MAP1S: variants seen among roughly 807,000 people sequenced by gnomAD.
The protein encoded by MAP1S is microtubule associated protein 1S, also known as microtubule-associated protein 1S.
A neutral mutation model predicts 60.9 loss-of-function variants in MAP1S; 27 were observed. The ratio of observed to expected loss-of-function variants is 0.44; its 90% CI spans 0.33 to 0.61. The LOEUF is 0.61. Ranked by LOEUF, MAP1S falls within the 20% of genes least tolerant of loss-of-function variation. The pLI is 0.03. For missense variants in MAP1S, 1,608 were observed against 1,486.6 expected, an observed-to-expected ratio of 1.08 and a Z score of -1.34; for synonymous variants, 826 against 694.2, an observed-to-expected ratio of 1.19 and a Z score of -2.98.
intron 5 of MAP1S, among the ~76,000 whole-genome samples, chr19:17,729,750 C>G (rs1455291351): frequency 6.6e-6 from 1 of 152,122 alleles, no homozygotes; most frequent in Non-Finnish European, 1.5e-5. Context: ...GCAACCTCTA[C>G]CTCCCGGGGT....
rs367755352 is a variant in MAP1S, at chr19:17,727,326, G to A, written c.1942G>A (p.Ala648Thr). 2.5e-6 allele frequency: 4 copies of A among 1,590,414 alleles called. No homozygotes were observed. The highest frequency in any genetic ancestry group is 1.7e-5 in the Admixed American group (1 of 57,528). ...TPSPESHRSP[A>T]EGSERLSLSP... ...CTCCCCTGAGTCCCACCGGAGCCCC[G>A]CAGAGGGCAGCGAGCGGCTGTCGCT... The change falls in exon 5 of 7, where the codon GCA (alanine) becomes ACA (threonine). Residue 648 changes from alanine to threonine, a missense_variant. Physicochemically the swap from Ala to Thr is moderately conservative, Grantham distance 58. Transcript: ENST00000324096. The surrounding 1 kb of genome is among the most constrained non-coding windows in gnomAD (Gnocchi z 4.1).
At position 17,725,363 on chromosome 19, in the gene MAP1S, G is replaced by A. The variant is rs747458702; in HGVS notation, c.444+174G>A. 2.0e-5 allele frequency among the ~76,000 whole-genome samples: 3 copies of A among 152,146 alleles called. No homozygotes were observed. The highest frequency in any genetic ancestry group is 4.4e-5 in the Non-Finnish European group (3 of 68,032). On this transcript the variant is annotated intron_variant, in intron 4 of 6. Transcript: ENST00000324096. This position sits in a 1 kb window ranked among gnomAD's most constrained non-coding sequence, Gnocchi z 4.2. ...CTGTCTGGGGTCAGTCCCATTGCCCGCGAAAGGGTGTGGTGTGAGCTGAGT... is the reference window on the plus strand; with the variant it reads ...CTGTCTGGGGTCAGTCCCATTGCCCACGAAAGGGTGTGGTGTGAGCTGAGT...
rs753160066 is a variant in MAP1S at position 17,726,846 on chromosome 19, C to T, written c.1462C>T (p.Leu488=). ...GGACAGCTCGAAGAGAGAGGGCCTC[C>T]TGGCCACCCACCCTAGACCTGGCCA... The part of the protein sequence containing the change: ...SRDSSKREGL[L]ATHPRPGQER... The change falls in exon 5 of 7, where the codon CTG becomes TTG. Residue 488 remains leucine (L), a synonymous_variant. Coordinates refer to ENST00000324096, the MANE Select transcript of MAP1S (RefSeq NM_018174.6). 4.5e-6 allele frequency: 7 copies of T among 1,554,410 alleles called. No homozygotes were observed. The African/African-American group carries it at 8.2e-5, about 18-fold the overall frequency.
In MAP1S at chr19:17,719,637, G is replaced by GGCCCGCGGGA; in HGVS notation, c.118+23_118+32dup. 1 of 1,222,526 alleles carries GGCCCGCGGGA rather than the reference G, an allele frequency of 8.2e-7. No homozygotes were observed. The highest frequency in any genetic ancestry group is 1.0e-6 in the Non-Finnish European group (1 of 970,662). The allele number at this position is 1,222,526 out of a possible 1,614,324, so 75.7% of individuals were successfully genotyped here. ...TCGAAAGAGGTCGGGCTGGCCTGGG[G>GGCCCGCGGGA]GCCCGCGGGAGCCCGGGAGGCGGGC... On this transcript the variant is annotated intron_variant, in intron 1 of 6. Transcript: ENST00000324096.
Position 17,734,513 on chromosome 19 carries a change from G to C in MAP1S, c.*85G>C, listed in dbSNP as rs1363721560. ...TCAGAAATAAACTGTGACTACACTTGGCTGTGGCCTCTCTTCTTTCTGTGA... is the reference window on the plus strand; with the variant it reads ...TCAGAAATAAACTGTGACTACACTTCGCTGTGGCCTCTCTTCTTTCTGTGA... On this transcript the variant is annotated 3_prime_UTR_variant, in exon 7 of 7. Transcript: ENST00000324096. The C allele has an allele frequency of 6.7e-7, 1 of 1,497,506 alleles. No individual in the cohort carries two copies. Among genetic ancestry groups the C allele is most frequent in the African/African-American group, 1.4e-5 (1 of 72,218 alleles). 92.8% of individuals were successfully genotyped at this position (1,497,506 alleles called of 1,614,324 possible).
intron 6 of MAP1S, among the ~76,000 whole-genome samples, chr19:17,733,833 G>T (rs1387723048): frequency 6.6e-6 from 1 of 152,246 alleles, no homozygotes; most frequent in Admixed American, 6.5e-5. Flanking sequence ...CGAGGTGCAT[G>T]TGGGCAGAGG....
At chr19:17,731,262 T>G (rs2048528877) in intron 5 of MAP1S, among the ~76,000 whole-genome samples, 1 of 152,186 alleles carries the variant, frequency 6.6e-6, no homozygotes, top group Non-Finnish European at 1.5e-5. Context: ...CATTTCACAT[T>G]TAGGTCCATT....
chr19:17,731,250 T>C (rs1246703516), intron 5 of MAP1S, among the ~76,000 whole-genome samples: 1 of 152,172 alleles, frequency 6.6e-6, no homozygotes, highest in African/African-American at 2.4e-5. Context: ...TTTTAAGTTT[T>C]CCATTTCACA....
At position 17,727,715 on chromosome 19, in the gene MAP1S, G is replaced by A. The variant is rs1450259639; in HGVS notation, c.2331G>A (p.Leu777=). 6.2e-7 allele frequency: 1 copy of A among 1,606,412 alleles called. No homozygotes were observed. Among genetic ancestry groups the A allele is most frequent in the Admixed American group, 1.7e-5 (1 of 59,636 alleles). ...SARSQERAGG[L]GAEETPPTSV... is the part of the protein sequence containing the mutation. ...GGTCACAGGAACGGGCAGGTGGGCTGGGGGCCGAGGAGACGCCACCCACAT... is the reference window on the plus strand; with the variant it reads ...GGTCACAGGAACGGGCAGGTGGGCTAGGGGCCGAGGAGACGCCACCCACAT... The change falls in exon 5 of 7, where the codon CTG becomes CTA. Residue 777 remains leucine, a synonymous_variant. Transcript: ENST00000324096. The surrounding 1 kb of genome is among the most constrained non-coding windows in gnomAD (Gnocchi z 4.1).
rs760875619 is a variant in MAP1S at position 17,726,131 on chromosome 19, C to T, written c.747C>T (p.Gly249=). 65 of 1,613,912 alleles carry T rather than the reference C, an allele frequency of 4.0e-5. No homozygotes were observed. The highest frequency in any genetic ancestry group is 5.0e-5 in the Non-Finnish European group (59 of 1,179,984). ...GRPCCYIFPG[G]LGDAAFFAVN... ...CCTGCTGCTACATCTTCCCTGGAGG[C>T]CTCGGGGATGCCGCCTTCTTCGCCG... Residue 249 remains glycine (G), a synonymous_variant, in exon 5 of 7, where the codon GGC becomes GGT. Coordinates refer to ENST00000324096, the MANE Select transcript of MAP1S (RefSeq NM_018174.6).
In MAP1S at chr19:17,726,103, G is replaced by T; in HGVS notation, c.719G>T (p.Arg240Leu). The change falls in exon 5 of 7, where the codon CGG (arginine) becomes CTG (leucine). Residue 240 changes from arginine (R) to leucine (L), a missense_variant. Transcript: ENST00000324096. ...TCCGGGGGCTTCCTCAGGCTGGGCC[G>T]GCCCTGCTGCTACATCTTCCCTGGA... ...PTSGGFLRLGRPCCYIFPGGL... is the reference protein window; with the variant it reads ...PTSGGFLRLGLPCCYIFPGGL... The T allele has an allele frequency of 1.2e-6, 2 of 1,613,884 alleles. No individual in the cohort carries two copies. Among genetic ancestry groups the T allele is most frequent in the Non-Finnish European group, 1.7e-6 (2 of 1,179,940 alleles).
rs1277270839 is a variant in MAP1S, at chr19:17,727,450, C to T, written c.2066C>T (p.Pro689Leu). Residue 689 changes from proline (P) to leucine (L), a missense_variant, in exon 5 of 7, where the codon CCG (proline) becomes CTG (leucine). Physicochemically the swap from Pro to Leu is moderately conservative, Grantham distance 98 (BLOSUM62 -3). Coordinates refer to ENST00000324096, the MANE Select transcript of MAP1S (RefSeq NM_018174.6). This position sits in a 1 kb window ranked among gnomAD's most constrained non-coding sequence, Gnocchi z 4.1. ...TCACTACCCGCAGAGGTGGGCTCCC[C>T]GCACTCGACCGAGGTGGACGAGTCC... is the stretch of plus-strand genomic sequence containing the variant. ...TPSLPAEVGS[P>L]HSTEVDESLS... 4.4e-6 allele frequency: 7 copies of T among 1,603,584 alleles called. No homozygotes were observed. Among genetic ancestry groups the T allele is most frequent in the African/African-American group, 1.3e-5 (1 of 74,696 alleles).
At chr19:17,729,567 G>A (rs1004873200) in intron 5 of MAP1S, among the ~76,000 whole-genome samples, 1 of 152,018 alleles carries the variant, frequency 6.6e-6, no homozygotes, top group Non-Finnish European at 1.5e-5. Context: ...GTGCAGTGGC[G>A]CAAACATGGC....
At chr19:17,723,478 G>A (rs2080389066) in intron 2 of MAP1S, among the ~76,000 whole-genome samples, 1 of 151,946 alleles carries the variant, frequency 6.6e-6, no homozygotes, top group South Asian at 2.1e-4. Flanking sequence ...AACCCAGGAG[G>A]CGGAGGTTGC....
chr19:17,720,845 C>T lies in MAP1S; in HGVS notation c.119-91C>T, dbSNP rs572267636. On this transcript the variant is annotated intron_variant, in intron 1 of 6. Transcript: ENST00000324096. Reference sequence around the variant, plus strand: ...TGTGAGTGAAGGGAGGAGGCTGGGGCGCTCCCCACCCACGGGGTGCTAATT... The same window carrying T: ...TGTGAGTGAAGGGAGGAGGCTGGGGTGCTCCCCACCCACGGGGTGCTAATT... 5.2e-6 allele frequency: 5 copies of T among 954,208 alleles called. No individual in the cohort carries two copies. The East Asian group carries it at 7.2e-5, about 14-fold the overall frequency. The allele number at this position is 954,208 out of a possible 1,614,324, so 59.1% of individuals were successfully genotyped here. A position where few individuals can be genotyped will look rare whatever the true frequency, so the allele number is the denominator to read the frequency against.
rs746922959 is a variant in MAP1S at position 17,725,978 on chromosome 19, G to T, written c.594G>T (p.Pro198=). 4.3e-6 allele frequency: 7 copies of T among 1,612,188 alleles called. No homozygotes were observed. The highest frequency in any genetic ancestry group is 2.7e-5 in the African/African-American group (2 of 74,872). ...ALRLQLRLNP[P]AQLPNSEGLC... ...GGCTCCAGCTGCGGCTGAACCCCCC[G>T]GCGCAGCTGCCCAACTCTGAGGGCC... The change falls in exon 5 of 7, where the codon CCG becomes CCT. Residue 198 remains proline (P), a synonymous_variant. Coordinates refer to ENST00000324096, the MANE Select transcript of MAP1S (RefSeq NM_018174.6). The surrounding 1 kb of genome is among the most constrained non-coding windows in gnomAD (Gnocchi z 4.2).
chr19:17,721,661 T>C (rs62121725), intron 2 of MAP1S, among the ~76,000 whole-genome samples: 18,723 of 151,518 alleles, frequency 0.12, 1,555 homozygotes, highest in Non-Finnish European at 0.19. Context: ...AGTGACAGAG[T>C]GGGAGGGACT....
At position 17,724,110 on chromosome 19, in the gene MAP1S, C is replaced by T. The variant is rs191585375; in HGVS notation, c.221-16C>T. On this transcript the variant is annotated splice_polypyrimidine_tract_variant and intron_variant, in intron 2 of 6. Coordinates refer to ENST00000324096, the MANE Select transcript of MAP1S (RefSeq NM_018174.6). ...GAGGCAGGATTTGACTCCGGGACGG[C>T]CTGATTCCCCCACAGGCCAGCGGAG... 7.1e-4 allele frequency: 1,144 copies of T among 1,610,810 alleles called. 6 individuals are homozygous for T. Among genetic ancestry groups the T allele is most frequent in the East Asian group, 2.3e-3 (104 of 44,840 alleles).
chr19:17,727,876 C>T lies in MAP1S; in HGVS notation c.2492C>T (p.Pro831Leu), dbSNP rs1434100717. The change falls in exon 5 of 7, where the codon CCC (proline) becomes CTC (leucine). Residue 831 changes from proline (P) to leucine (L), a missense_variant. Pro to Leu is a moderately conservative substitution (Grantham distance 98). Transcript: ENST00000324096. The surrounding 1 kb of genome is among the most constrained non-coding windows in gnomAD (Gnocchi z 4.1). ...HDPLPDPLKV[P>L]PPLPDPSSIC... ...CCTTTGCCTGACCCCCTCAAGGTCC[C>T]CCCACCACTGCCTGACCCATCCAGC... 6.2e-7 allele frequency: 1 copy of T among 1,613,100 alleles called. No homozygotes were observed. The highest frequency in any genetic ancestry group is 1.1e-5 in the South Asian group (1 of 91,072).
Sources: allele counts gnomAD v4.1 joint callset (sites outside exome capture counted in the v4.1 genomes callset), GRCh38; gene constraint gnomAD v4.1.1; non-coding constraint Gnocchi (gnomAD v3.1); transcripts MANE v1.5; gene names NCBI Gene and HGNC (gene_info 2026-07-23, HGNC 2026-07-21).